Variants in IQCM observed in about 807,000 individuals in gnomAD.
The protein encoded by IQCM is IQ motif containing M, also known as IQ domain-containing protein M.
IQCM carries 45 observed loss-of-function variants against 57.6 expected under a neutral mutation model. That is an observed-to-expected ratio of 0.78 (90% CI 0.62 to 1.00). The LOEUF (loss-of-function observed/expected upper bound fraction) is 1.00, where lower values mean the gene tolerates loss of function less well. IQCM is among the 50% of genes least tolerant of loss of function. The probability of loss-of-function intolerance (pLI) is 0.00; values close to 1 mark genes in which losing one functional copy is unlikely to be tolerated. For synonymous variants in IQCM, 148 were observed against 158.9 expected, an observed-to-expected ratio of 0.93 and a Z score of 0.51; for missense variants, 468 against 511.6, an observed-to-expected ratio of 0.91 and a Z score of 0.82.
chr4:149,662,301 A>C (rs752250127), intron 7 of IQCM, among the ~76,000 whole-genome samples: 2 of 152,018 alleles, frequency 1.3e-5, no homozygotes, highest in Non-Finnish European at 2.9e-5. Flanking sequence ...ATCAGAAAAG[A>C]TACTTGATGT....
intron 2 of IQCM, among the ~76,000 whole-genome samples, chr4:149,746,501 T>C (rs926105696): frequency 6.6e-6 from 1 of 152,206 alleles, no homozygotes; most frequent in Non-Finnish European, 1.5e-5. Flanking sequence ...TAATTGTGTA[T>C]CAGATCATAT....
chr4:149,468,656 G>A (rs1483509874), intron 12 of IQCM, among the ~76,000 whole-genome samples: 1 of 152,214 alleles, frequency 6.6e-6, no homozygotes, highest in Non-Finnish European at 1.5e-5. Flanking sequence ...TTTCAGATCT[G>A]AGAACAGACA....
chr4:149,768,330 A>G (rs747159552), intron 2 of IQCM, among the ~76,000 whole-genome samples: 1 of 152,124 alleles, frequency 6.6e-6, no homozygotes, highest in Non-Finnish European at 1.5e-5. Context: ...TAATAAAACC[A>G]GAGTTAGAAT....
chr4:149,769,730 TA>T (rs1458233840), intron 2 of IQCM, among the ~76,000 whole-genome samples: 2 of 152,122 alleles, frequency 1.3e-5, no homozygotes, highest in East Asian at 3.9e-4. Flanking sequence ...TAAGAGGACA[TA>T]ACAATCCTAT....
intron 2 of IQCM, among the ~76,000 whole-genome samples, chr4:149,783,746 C>T (rs1771824617): frequency 6.6e-6 from 1 of 152,140 alleles, no homozygotes; most frequent in East Asian, 1.9e-4. Flanking sequence ...GAGAGGCTCT[C>T]ATTGTGGGCT....
At chr4:149,413,433 G>A (rs1244589709) in intron 13 of IQCM, among the ~76,000 whole-genome samples, 3 of 152,142 alleles carry the variant, frequency 2.0e-5, no homozygotes, top group African/African-American at 7.2e-5. Context: ...CGCTGAGATA[G>A]GGTGGGCAGG....
intron 12 of IQCM, among the ~76,000 whole-genome samples, chr4:149,527,801 C>T (rs1422198242): frequency 6.6e-6 from 1 of 152,050 alleles, no homozygotes; most frequent in Non-Finnish European, 1.5e-5. Context: ...TTAAAGTAAA[C>T]ACAGCCATGC....
At chr4:149,410,374 T>A (rs1286679041) in intron 13 of IQCM, among the ~76,000 whole-genome samples, 3 of 151,706 alleles carry the variant, frequency 2.0e-5, no homozygotes, top group Non-Finnish European at 2.9e-5. Flanking sequence ...AAATAAGCTT[T>A]CCCTCTTGGA....
chr4:149,446,955 C>T (rs1736578154), intron 12 of IQCM, among the ~76,000 whole-genome samples: 1 of 151,308 alleles, frequency 6.6e-6, no homozygotes, highest in African/African-American at 2.4e-5. Context: ...ATTTATTGAA[C>T]AATTATGTGA....
chr4:149,698,968 T>C (rs1205096095), intron 5 of IQCM, among the ~76,000 whole-genome samples: 1 of 152,086 alleles, frequency 6.6e-6, no homozygotes, highest in African/African-American at 2.4e-5. Context: ...CAAGGCCTGG[T>C]ACATAGTAAG....
rs771016707 is a variant in IQCM, at chr4:149,375,043, T to C, written c.1391-22977A>G. Among the ~76,000 whole-genome samples, 53 of 151,348 alleles carry C rather than the reference T, an allele frequency of 3.5e-4. 1 individual carries two copies. The highest frequency in any genetic ancestry group is 1.3e-3 in the South Asian group (6 of 4,794). ...TTATTAGCAAAATTTAACAGAGAAG[T>C]AGCCATTAAGGTAGTCTCAAATCCA... On this transcript the variant is annotated intron_variant, in intron 13 of 13. Transcript: ENST00000636793.
intron 8 of IQCM, among the ~76,000 whole-genome samples, chr4:149,599,027 C>A (rs191453118): frequency 6.6e-6 from 1 of 151,980 alleles, no homozygotes. Context: ...ATATGACATC[C>A]CAGATGCAAC....
In IQCM at chr4:149,645,397, C is replaced by T. The variant is rs552102491; in HGVS notation, c.566-24153G>A. Among the ~76,000 whole-genome samples, 72 of 152,256 alleles carry T rather than the reference C, an allele frequency of 4.7e-4. 1 individual carries two copies. The South Asian group carries it at 0.015, about 32-fold the overall frequency. ...TATTGTCTGCAGAAGTTAAAAGATT[C>T]ACATTTTTAACTTTTTAATTGAAAT... is the stretch of plus-strand genomic sequence containing the variant. On this transcript the variant is annotated intron_variant, in intron 7 of 13. Coordinates refer to ENST00000636793, the MANE Select transcript of IQCM (RefSeq NM_001363507.2).
At chr4:149,378,592 G>C (rs1560787222) in intron 13 of IQCM, among the ~76,000 whole-genome samples, 1 of 152,082 alleles carries the variant, frequency 6.6e-6, no homozygotes, top group Non-Finnish European at 1.5e-5. Flanking sequence ...AGAGAACTTA[G>C]GGTATCTGGC....
chr4:149,625,013 G>T lies in IQCM; in HGVS notation c.566-3769C>A, dbSNP rs1756675803. Among the ~76,000 whole-genome samples, 3 of 152,032 alleles carry T rather than the reference G, an allele frequency of 2.0e-5. No individual in the cohort carries two copies. In the South Asian group the frequency reaches 6.2e-4, roughly 32 times the overall value. The stretch of plus-strand genomic sequence containing the variant: ...ATTGCACATGCAGTTTTAATCTGTA[G>T]GTAATTACAAACAATTAATAGTTAG... On this transcript the variant is annotated intron_variant, in intron 7 of 13. Transcript: ENST00000636793.
rs186284739 is a variant in IQCM, at chr4:149,663,626, G to T, written c.565+18492C>A. 9.0e-3 allele frequency among the ~76,000 whole-genome samples: 1,320 copies of T among 146,642 alleles called. 12 individuals carry two copies. Among genetic ancestry groups the T allele is most frequent in the African/African-American group, 0.031 (1,249 of 40,948 alleles). ...GTATAGTATTCTTTACTGACAGTTG[G>T]TTTTCTTTTTTTTAGTATGTTGAAT... On this transcript the variant is annotated intron_variant, in intron 7 of 13. Transcript: ENST00000636793.
chr4:149,464,799 C>G (rs898809892), intron 12 of IQCM, among the ~76,000 whole-genome samples: 1 of 151,882 alleles, frequency 6.6e-6, no homozygotes, highest in African/African-American at 2.4e-5. Flanking sequence ...CTCTCAGGTA[C>G]GTAAAATATG....
chr4:149,689,522 A>G (rs1313408942), intron 5 of IQCM, among the ~76,000 whole-genome samples: 2 of 152,054 alleles, frequency 1.3e-5, no homozygotes, highest in Non-Finnish European at 2.9e-5. Flanking sequence ...CTGCACATGT[A>G]CCCCAGAACT....
chr4:149,755,040 G>A (rs1024794079), intron 2 of IQCM, among the ~76,000 whole-genome samples: 10 of 152,024 alleles, frequency 6.6e-5, no homozygotes, highest in Non-Finnish European at 1.3e-4. Context: ...TACATTCTAC[G>A]TCCTATTCAT....
Sources: gnomAD v4.1 joint callset for allele counts (sites outside exome capture counted in the v4.1 genomes callset) on GRCh38, gnomAD v4.1.1 for gene constraint, MANE v1.5 for transcripts, NCBI Gene and HGNC (gene_info 2026-07-23, HGNC 2026-07-21) for gene names.